ATXN7L1: variants seen among roughly 807,000 people sequenced by gnomAD.
ATXN7L1 encodes ataxin 7 like 1, also known as ataxin-7-like protein 1.
A neutral mutation model predicts 70.8 loss-of-function variants in ATXN7L1; 15 were observed. The observed-to-expected ratio is 0.21, with a 90% CI of 0.14 to 0.33. The LOEUF (loss-of-function observed/expected upper bound fraction) is 0.33. Ranked by LOEUF, ATXN7L1 falls within the 10% of genes least tolerant of loss-of-function variation. The pLI is 1.00. For synonymous variants in ATXN7L1, 440 were observed against 445.1 expected, an observed-to-expected ratio of 0.99 and a Z score of 0.14; for missense variants, 975 against 1,097.1, an observed-to-expected ratio of 0.89 and a Z score of 1.57.
chr7:105,740,784 T>TTTTTTTTTTTG lies in ATXN7L1; in HGVS notation c.355+47819_355+47820insCAAAAAAAAAA, dbSNP rs556048408. Among the ~76,000 whole-genome samples, 256 of 77,918 alleles carry TTTTTTTTTTTG rather than the reference T, an allele frequency of 3.3e-3. 71 individuals are homozygous for TTTTTTTTTTTG. Among genetic ancestry groups the TTTTTTTTTTTG allele is most frequent in the African/African-American group, 0.014 (235 of 16,350 alleles). The allele number at this position is 77,918 out of a possible 152,430, so 51.1% of individuals were successfully genotyped here. ...GGCTCCATTCATTTTTTTTTTTTTTTAATGGAGTCTCACTCTGTCGCCCAG... is the reference window on the plus strand; with the variant it reads ...GGCTCCATTCATTTTTTTTTTTTTTTTTTTTTTTTTGAATGGAGTCTCACTCTGTCGCCCAG... On this transcript the variant is annotated intron_variant, in intron 3 of 11. Coordinates refer to ENST00000419735, the MANE Select transcript of ATXN7L1 (RefSeq NM_020725.2).
At chr7:105,865,091 C>G (rs1817208699) in intron 2 of ATXN7L1, among the ~76,000 whole-genome samples, 1 of 152,218 alleles carries the variant, frequency 6.6e-6, no homozygotes, top group Non-Finnish European at 1.5e-5. Context: ...AGTCTGTCCC[C>G]TGGAAGTGGC....
At chr7:105,750,370 G>A (rs576024001) in intron 3 of ATXN7L1, among the ~76,000 whole-genome samples, 18 of 151,252 alleles carry the variant, frequency 1.2e-4, no homozygotes, top group African/African-American at 2.7e-4. Flanking sequence ...TTGACCTCCC[G>A]GCTCAAGTGA....
At chr7:105,759,350 C>T (rs1362389843) in intron 3 of ATXN7L1, among the ~76,000 whole-genome samples, 1 of 151,716 alleles carries the variant, frequency 6.6e-6, no homozygotes, top group African/African-American at 2.4e-5. Context: ...AAGATTCATA[C>T]ACAAACAGAC....
chr7:105,668,949 A>G (rs1803088137), intron 3 of ATXN7L1, among the ~76,000 whole-genome samples: 1 of 152,010 alleles, frequency 6.6e-6, no homozygotes, highest in Non-Finnish European at 1.5e-5. Context: ...AAGTCTCTCT[A>G]TGTTCCCAGG....
intron 9 of ATXN7L1, among the ~76,000 whole-genome samples, chr7:105,615,844 A>G (rs1706897): frequency 0.97 from 147,156 of 152,240 alleles, 71,303 homozygotes; most frequent in East Asian, 1. Flanking sequence ...TGGAGCCAAG[A>G]CCAGCACTAG....
intron 5 of ATXN7L1, among the ~76,000 whole-genome samples, chr7:105,642,259 T>C (rs1379016702): frequency 6.6e-6 from 1 of 152,210 alleles, no homozygotes; most frequent in Non-Finnish European, 1.5e-5. Flanking sequence ...CCCAGCACCC[T>C]ATCGGCACTG....
At chr7:105,617,798 G>A (rs1436718097) in intron 9 of ATXN7L1, 1 of 375,438 alleles carries the variant, frequency 2.7e-6, no homozygotes, top group Non-Finnish European at 5.4e-6. Flanking sequence ...TGACCTGGCT[G>A]AAAGAGAATA....
chr7:105,620,303 G>A lies in ATXN7L1; in HGVS notation c.1414C>T (p.Arg472Cys). 7.7e-6 allele frequency: 12 copies of A among 1,549,918 alleles called. No individual in the cohort carries two copies. Among genetic ancestry groups the A allele is most frequent in the East Asian group, 2.4e-5 (1 of 40,902 alleles). ...RPLAFCSFGS[R>C]LMGRGYYVFD... Reference sequence around the variant, plus strand: ...ACATAGTACCCTCGTCCCATGAGGCGACTCCCAAATGAGCAAAACTGTGAG... The same window carrying A: ...ACATAGTACCCTCGTCCCATGAGGCAACTCCCAAATGAGCAAAACTGTGAG... Residue 472 changes from arginine to cysteine, a missense_variant, in exon 9 of 12, where the codon CGC (arginine) becomes TGC (cysteine). Physicochemically the swap from Arg to Cys is radical, Grantham distance 180 (BLOSUM62 -3). Around this residue, in one of 5 missense-constraint regions of ATXN7L1, gnomAD observed 635 missense variants for 699.4 expected, o/e 0.91. Coordinates refer to ENST00000419735, the MANE Select transcript of ATXN7L1 (RefSeq NM_020725.2).
chr7:105,699,703 T>C (rs1010293321), intron 3 of ATXN7L1, among the ~76,000 whole-genome samples: 3 of 152,196 alleles, frequency 2.0e-5, no homozygotes, highest in African/African-American at 7.2e-5. Context: ...TCTTGTCTTC[T>C]GTTGTTTAAA....
At chr7:105,697,249 C>T (rs990900826) in intron 3 of ATXN7L1, among the ~76,000 whole-genome samples, 13 of 152,120 alleles carry the variant, frequency 8.5e-5, no homozygotes, top group Middle Eastern at 3.2e-3. Context: ...AGCCTGGGAG[C>T]GCTATGGGAG....
chr7:105,629,094 A>C (rs572205314), intron 7 of ATXN7L1, among the ~76,000 whole-genome samples: 24 of 152,178 alleles, frequency 1.6e-4, no homozygotes, highest in African/African-American at 5.8e-4. Context: ...CAGCCTCCCT[A>C]GTAGCTGGGA....
At chr7:105,761,297 T>C (rs899338867) in intron 3 of ATXN7L1, 22 of 1,600,110 alleles carry the variant, frequency 1.4e-5, no homozygotes, top group Non-Finnish European at 1.7e-5. Context: ...TGGAGTCTCC[T>C]CTTCCAGGAA....
At chr7:105,662,941 T>C (rs1043782205) in intron 4 of ATXN7L1, among the ~76,000 whole-genome samples, 1 of 152,158 alleles carries the variant, frequency 6.6e-6, no homozygotes. Context: ...CACTTAATCC[T>C]CACAACAATC....
chr7:105,716,915 A>T (rs1794632146), intron 3 of ATXN7L1, among the ~76,000 whole-genome samples: 1 of 152,062 alleles, frequency 6.6e-6, no homozygotes. Context: ...AAATTTAAAA[A>T]ATCTAATTAT....
At chr7:105,862,066 A>T (rs1816719291) in intron 2 of ATXN7L1, among the ~76,000 whole-genome samples, 1 of 152,190 alleles carries the variant, frequency 6.6e-6, no homozygotes, top group Non-Finnish European at 1.5e-5. Flanking sequence ...AAGGGAACAG[A>T]AGCCTGGAGT....
At chr7:105,678,390 C>A (rs1805037768) in intron 3 of ATXN7L1, among the ~76,000 whole-genome samples, 1 of 152,158 alleles carries the variant, frequency 6.6e-6, no homozygotes, top group Admixed American at 6.5e-5. Context: ...TAGAAACCAG[C>A]CAGACACGCT....
At chr7:105,690,752 G>C (rs999781027) in intron 3 of ATXN7L1, among the ~76,000 whole-genome samples, 3 of 152,182 alleles carry the variant, frequency 2.0e-5, no homozygotes, top group African/African-American at 7.2e-5. Flanking sequence ...CTCAAGGTAC[G>C]ATATCAAGGG....
At chr7:105,831,109 G>A (rs1363875180) in intron 2 of ATXN7L1, among the ~76,000 whole-genome samples, 1 of 152,228 alleles carries the variant, frequency 6.6e-6, no homozygotes, top group East Asian at 1.9e-4. Context: ...CTTTACCGTA[G>A]ATGGGGTGAC....
intron 4 of ATXN7L1, among the ~76,000 whole-genome samples, chr7:105,652,751 CT>C (rs2115989166): frequency 6.6e-6 from 1 of 152,356 alleles, no homozygotes; most frequent in South Asian, 2.1e-4. Flanking sequence ...CATCCTAAGC[CT>C]TTGGCCTTCA....
Sources: gnomAD v4.1 joint callset for allele counts (sites outside exome capture counted in the v4.1 genomes callset) on GRCh38, gnomAD v4.1.1 for gene constraint, gnomAD v4.1.1 regional missense constraint, MANE v1.5 for transcripts, NCBI Gene and HGNC (gene_info 2026-07-23, HGNC 2026-07-21) for gene names.